The following MAGI2 variants were observed in gnomAD, a reference collection of about 807,000 sequenced individuals.
MAGI2 encodes the protein membrane associated guanylate kinase, WW and PDZ domain containing 2, also known as membrane-associated guanylate kinase, WW and PDZ domain-containing protein 2.
Under a neutral mutation model 133.3 loss-of-function variants are expected in MAGI2, and 35 were observed. The ratio of observed to expected loss-of-function variants is 0.26; its 90% CI spans 0.20 to 0.35. The LOEUF (loss-of-function observed/expected upper bound fraction) is 0.35. Among genes scored for constraint, MAGI2 ranks in the 10% least tolerant of loss-of-function variants. The pLI is 1.00. For synonymous variants in MAGI2, 729 were observed against 710.6 expected (o/e 1.03, Z -0.41); for missense variants, 1,636 against 1,863.4 (o/e 0.88, Z 2.25).
intron 1 of MAGI2, among the ~76,000 whole-genome samples, chr7:79,365,363 C>T (rs768894338): frequency 2.0e-5 from 3 of 152,126 alleles, no homozygotes; most frequent in Middle Eastern, 3.4e-3. Context: ...CTTGCACTTG[C>T]ACTCTTGGAC....
At chr7:79,149,119 T>C (rs1238906620) in intron 1 of MAGI2, among the ~76,000 whole-genome samples, 1 of 144,370 alleles carries the variant, frequency 6.9e-6, no homozygotes, top group Non-Finnish European at 1.5e-5. Flanking sequence ...TTATATTATA[T>C]ATAATATAAT....
intron 3 of MAGI2, among the ~76,000 whole-genome samples, chr7:78,523,037 G>A (rs1358038426): frequency 6.6e-6 from 1 of 152,120 alleles, no homozygotes; most frequent in African/African-American, 2.4e-5. Context: ...CAATGGAGGA[G>A]ATACACAGGA....
At chr7:79,260,007 T>C (rs1291233170) in intron 1 of MAGI2, among the ~76,000 whole-genome samples, 2 of 152,248 alleles carry the variant, frequency 1.3e-5, no homozygotes, top group East Asian at 3.9e-4. Flanking sequence ...AACAAGATAT[T>C]GTACCGACAA....
At chr7:78,620,248 A>G (rs530582750) in intron 3 of MAGI2, among the ~76,000 whole-genome samples, 1 of 151,830 alleles carries the variant, frequency 6.6e-6, no homozygotes, top group South Asian at 2.1e-4. Context: ...TGTGGTGCCA[A>G]TAATGATTTT....
intron 21 of MAGI2, among the ~76,000 whole-genome samples, chr7:78,025,797 G>A (rs1808853744): frequency 6.6e-6 from 1 of 152,162 alleles, no homozygotes; most frequent in South Asian, 2.1e-4. Context: ...GCTTTCATCG[G>A]AGGCCCCTTA....
intron 2 of MAGI2, among the ~76,000 whole-genome samples, chr7:78,924,296 G>A (rs909889450): frequency 6.6e-6 from 1 of 152,094 alleles, no homozygotes; most frequent in Non-Finnish European, 1.5e-5. Context: ...AATGTTTCCA[G>A]TTGTTGCCCA....
At chr7:79,146,752 T>C (rs1822670934) in intron 1 of MAGI2, among the ~76,000 whole-genome samples, 1 of 152,232 alleles carries the variant, frequency 6.6e-6, no homozygotes, top group Non-Finnish European at 1.5e-5. Flanking sequence ...TGTGAGTGCA[T>C]TAAACCTATT....
intron 6 of MAGI2, among the ~76,000 whole-genome samples, chr7:78,408,908 T>C (rs1797625819): frequency 6.6e-6 from 1 of 152,106 alleles, no homozygotes; most frequent in Non-Finnish European, 1.5e-5. Flanking sequence ...TAATGTTGTA[T>C]TTCTACTGGA....
chr7:78,467,026 A>C (rs1422763188), intron 6 of MAGI2, among the ~76,000 whole-genome samples: 1 of 152,172 alleles, frequency 6.6e-6, no homozygotes, highest in Admixed American at 6.5e-5. Flanking sequence ...AGGCACTATA[A>C]GTATTCAATT....
intron 2 of MAGI2, among the ~76,000 whole-genome samples, chr7:78,899,106 CCAA>C (rs148021358): frequency 0.01 from 1,590 of 152,092 alleles, 15 homozygotes; most frequent in Middle Eastern, 0.02. Flanking sequence ...TGATACTTAA[CCAA>C]CAAGAAGATT....
chr7:79,406,801 A>C (rs146199900), intron 1 of MAGI2, among the ~76,000 whole-genome samples: 79 of 152,252 alleles, frequency 5.2e-4, no homozygotes, highest in Non-Finnish European at 7.6e-4. Flanking sequence ...CCTTATTTAG[A>C]CTTTTTAATA....
intron 10 of MAGI2, among the ~76,000 whole-genome samples, chr7:78,241,751 G>A (rs1024198673): frequency 6.6e-6 from 1 of 151,938 alleles, no homozygotes; most frequent in Admixed American, 6.6e-5. Context: ...TGGCCAACAT[G>A]GTGAAACCCT....
intron 2 of MAGI2, among the ~76,000 whole-genome samples, chr7:78,698,835 GA>G (rs1457500241): frequency 6.6e-6 from 1 of 152,040 alleles, no homozygotes; most frequent in East Asian, 1.9e-4. Context: ...CTCACTATCA[GA>G]AGAACAGCAT....
At chr7:79,257,089 TAC>T (rs1198616336) in intron 1 of MAGI2, among the ~76,000 whole-genome samples, 1 of 152,100 alleles carries the variant, frequency 6.6e-6, no homozygotes, top group Admixed American at 6.6e-5. Flanking sequence ...GTTAATTAGC[TAC>T]AGTTAGCCAT....
chr7:79,130,172 T>A (rs1361078332), intron 1 of MAGI2, among the ~76,000 whole-genome samples: 3 of 126,130 alleles, frequency 2.4e-5, no homozygotes, highest in Admixed American at 7.9e-5. Context: ...AAAAAAAAAA[T>A]TAGCTGGCCA....
At chr7:78,992,990 C>T (rs1805939813) in intron 2 of MAGI2, among the ~76,000 whole-genome samples, 2 of 151,922 alleles carry the variant, frequency 1.3e-5, no homozygotes, top group African/African-American at 4.8e-5. Context: ...ATTGCTTTTT[C>T]ATGTGAGAAA....
At chr7:78,809,829 T>C (rs1397138953) in intron 2 of MAGI2, among the ~76,000 whole-genome samples, 2 of 152,110 alleles carry the variant, frequency 1.3e-5, no homozygotes, top group Non-Finnish European at 2.9e-5. Context: ...TTAAACAGAT[T>C]GTTTGGCATA....
chr7:78,115,912 T>C (rs1819821307), intron 20 of MAGI2, among the ~76,000 whole-genome samples: 1 of 152,224 alleles, frequency 6.6e-6, no homozygotes, highest in African/African-American at 2.4e-5. Context: ...ATAGATCAAA[T>C]AGATAAAAAT....
At chr7:78,914,732 C>T (rs890689814) in intron 2 of MAGI2, among the ~76,000 whole-genome samples, 2 of 151,996 alleles carry the variant, frequency 1.3e-5, no homozygotes, top group Admixed American at 1.3e-4. Context: ...ACAGAGAAGA[C>T]AGAGGAGTGA....
Sources: gnomAD v4.1 joint callset for allele counts (sites outside exome capture counted in the v4.1 genomes callset) on GRCh38, gnomAD v4.1.1 for gene constraint, MANE v1.5 for transcripts, NCBI Gene and HGNC (gene_info 2026-07-23, HGNC 2026-07-21) for gene names.